The following FANCC variants were observed in gnomAD, a reference collection of about 807,000 sequenced individuals.
The protein encoded by FANCC is FA complementation group C, also known as Fanconi anemia group C protein.
A neutral mutation model predicts 71.3 loss-of-function variants in FANCC; 55 were observed. The observed-to-expected ratio is 0.77, with a 90% CI of 0.62 to 0.97. The LOEUF is 0.97. Ranked by LOEUF, FANCC falls within the 50% of genes least tolerant of loss-of-function variation. The probability of loss-of-function intolerance (pLI) is 0.00; values close to 1 mark genes in which losing one functional copy is unlikely to be tolerated. For synonymous variants in FANCC, 275 were observed against 244.9 expected (o/e 1.12, Z -1.15); for missense variants, 678 against 670.9 (o/e 1.01, Z -0.12).
intron 1 of FANCC, among the ~76,000 whole-genome samples, chr9:95,265,058 T>C (rs764365552): frequency 2.0e-5 from 3 of 152,056 alleles, no homozygotes; most frequent in Non-Finnish European, 2.9e-5. Context: ...AAATGGTATT[T>C]TTCCTCCTAA....
chr9:95,258,472 T>C (rs1194447862), intron 1 of FANCC, among the ~76,000 whole-genome samples: 1 of 152,166 alleles, frequency 6.6e-6, no homozygotes, highest in Admixed American at 6.5e-5. Context: ...AGAAAAGGCC[T>C]TCGATAAAAT....
At chr9:95,109,056 C>T (rs1278816032) in intron 13 of FANCC, among the ~76,000 whole-genome samples, 2 of 152,076 alleles carry the variant, frequency 1.3e-5, no homozygotes, top group Non-Finnish European at 2.9e-5. Context: ...ACTACAGGCA[C>T]ACATTACCAT....
At chr9:95,259,128 T>C (rs565393728) in intron 1 of FANCC, among the ~76,000 whole-genome samples, 3 of 152,300 alleles carry the variant, frequency 2.0e-5, no homozygotes, top group South Asian at 2.1e-4. Context: ...AAGTAATTTA[T>C]AGATTCAGTG....
At chr9:95,249,021 C>T in intron 2 of FANCC, 106 bp downstream of exon 2, 3 of 1,175,804 alleles carry the variant, frequency 2.6e-6, no homozygotes, top group Non-Finnish European at 3.8e-6. Flanking sequence ...ATCGGCACTT[C>T]AGTCAATACC....
intron 1 of FANCC, among the ~76,000 whole-genome samples, chr9:95,305,871 A>G (rs963313139): frequency 8.5e-5 from 13 of 152,326 alleles, no homozygotes; most frequent in African/African-American, 3.1e-4. Flanking sequence ...AATCCCACTC[A>G]TCTCAAAGGC....
intron 1 of FANCC, among the ~76,000 whole-genome samples, chr9:95,304,611 G>A (rs773737524): frequency 1.7e-4 from 25 of 151,344 alleles, no homozygotes; most frequent in African/African-American, 4.6e-4. Context: ...ATAGGTGGGC[G>A]TGGTGGCGAG....
At position 95,101,179 on chromosome 9, in the gene FANCC, G is replaced by A. The variant is rs2071059523; in HGVS notation, c.*528C>T. 1 of 252,194 alleles carries A rather than the reference G, an allele frequency of 4.0e-6. No individual in the cohort carries two copies. 15.6% of individuals were successfully genotyped at this position (252,194 alleles called of 1,614,324 possible). On this transcript the variant is annotated 3_prime_UTR_variant, in exon 15 of 15. Coordinates refer to ENST00000289081, the MANE Select transcript of FANCC (RefSeq NM_000136.3). ...CTGTGGCCTGTCAGGCAGGTCCAGG[G>A]AGACACAAGGGAAGCCTGAGGGACC...
intron 1 of FANCC, among the ~76,000 whole-genome samples, chr9:95,307,750 C>A (rs766151930): frequency 2.6e-5 from 4 of 152,176 alleles, no homozygotes; most frequent in African/African-American, 4.8e-5. Context: ...CATTTGACTG[C>A]AAAGAAGACA....
At chr9:95,263,589 A>G (rs1285330141) in intron 1 of FANCC, among the ~76,000 whole-genome samples, 1 of 151,728 alleles carries the variant, frequency 6.6e-6, no homozygotes. Flanking sequence ...AACTGAGAAC[A>G]ATTAAAAAGA....
intron 1 of FANCC, among the ~76,000 whole-genome samples, chr9:95,273,200 G>A (rs1409609570): frequency 2.6e-5 from 4 of 152,252 alleles, no homozygotes; most frequent in Non-Finnish European, 5.9e-5. Flanking sequence ...GTCACTAAAT[G>A]CCTACCGGTG....
intron 4 of FANCC, among the ~76,000 whole-genome samples, chr9:95,190,994 A>AT (rs1250667740): frequency 6.6e-6 from 1 of 150,780 alleles, no homozygotes; most frequent in Non-Finnish European, 1.5e-5. Flanking sequence ...ACCCCAAGAG[A>AT]TTTTGTATAG....
At chr9:95,111,424 AG>A in intron 13 of FANCC, 38 bp downstream of exon 13, 2 of 1,602,644 alleles carry the variant, frequency 1.2e-6, no homozygotes, top group Non-Finnish European at 1.7e-6. Flanking sequence ...AGCCCCCCAG[AG>A]CCCACCCCAA....
At chr9:95,109,421 T>A (rs973492834) in intron 13 of FANCC, among the ~76,000 whole-genome samples, 4 of 152,246 alleles carry the variant, frequency 2.6e-5, no homozygotes, top group African/African-American at 9.6e-5. Context: ...AACCACAGGG[T>A]TAAAGGGTAT....
intron 7 of FANCC, 84 bp downstream of exon 7, chr9:95,149,839 C>A: frequency 6.9e-7 from 1 of 1,451,014 alleles, no homozygotes; most frequent in Non-Finnish European, 9.5e-7. Flanking sequence ...TTGGACACTG[C>A]TGTCGTACAG....
At chr9:95,287,241 C>T (rs1833744609) in intron 1 of FANCC, among the ~76,000 whole-genome samples, 1 of 151,676 alleles carries the variant, frequency 6.6e-6, no homozygotes, top group African/African-American at 2.4e-5. Context: ...CATGGTATGT[C>T]AGTTTTTTAT....
intron 4 of FANCC, among the ~76,000 whole-genome samples, chr9:95,198,219 T>A (rs1254763108): frequency 6.6e-6 from 1 of 152,172 alleles, no homozygotes; most frequent in Non-Finnish European, 1.5e-5. Flanking sequence ...GAAAGGGCTA[T>A]AGAACACAAC....
chr9:95,145,532 T>C (rs1273706070), intron 7 of FANCC: 1 of 151,914 alleles, frequency 6.6e-6, no homozygotes, highest in Admixed American at 6.6e-5. Context: ...GAAAAATTGG[T>C]TTCAAAGTTT....
At chr9:95,213,633 C>T (rs556868481) in intron 4 of FANCC, among the ~76,000 whole-genome samples, 1 of 152,296 alleles carries the variant, frequency 6.6e-6, no homozygotes, top group East Asian at 1.9e-4. Flanking sequence ...GTACCCTTAC[C>T]TAGCCCCATA....
intron 4 of FANCC, among the ~76,000 whole-genome samples, chr9:95,234,410 AACTG>A (rs1239062122): frequency 6.6e-6 from 1 of 152,240 alleles, no homozygotes; most frequent in Admixed American, 6.5e-5. Flanking sequence ...ATTCTCACCA[AACTG>A]ACTAATCACA....
Sources: gnomAD v4.1 joint callset for allele counts (sites outside exome capture counted in the v4.1 genomes callset) on GRCh38, gnomAD v4.1.1 for gene constraint, MANE v1.5 for transcripts, NCBI Gene and HGNC (gene_info 2026-07-23, HGNC 2026-07-21) for gene names.